Variants in ABCC12 observed in about 807,000 individuals in gnomAD.
ABCC12 encodes ATP binding cassette subfamily C member 12, also known as ATP-binding cassette sub-family C member 12.
Under a neutral mutation model 151.1 loss-of-function variants are expected in ABCC12, and 142 were observed. The ratio of observed to expected loss-of-function variants is 0.94; its 90% CI spans 0.82 to 1.08. The LOEUF (loss-of-function observed/expected upper bound fraction) is 1.08. Among genes scored for constraint, ABCC12 ranks in the 50% least tolerant of loss-of-function variants. The probability of loss-of-function intolerance (pLI) is 0.00; values close to 1 mark genes in which losing one functional copy is unlikely to be tolerated. For missense variants in ABCC12, 1,638 were observed against 1,691.1 expected, an observed-to-expected ratio of 0.97 and a Z score of 0.55; for synonymous variants, 645 against 646.4, an observed-to-expected ratio of 1.00 and a Z score of 0.03.
In ABCC12 at chr16:48,133,184, C is replaced by A. The variant is rs374084746; in HGVS notation, c.1128+503G>T. Reference sequence around the variant, plus strand: ...CCATGGACGTGATTAAGAACCGCTGCCAGGCTCTCCCGGGCCCCTTGTCAG... The same window carrying A: ...CCATGGACGTGATTAAGAACCGCTGACAGGCTCTCCCGGGCCCCTTGTCAG... On this transcript the variant is annotated intron_variant, in intron 9 of 30. Coordinates refer to ENST00000311303, the MANE Select transcript of ABCC12 (RefSeq NM_001393797.1). Among the ~76,000 whole-genome samples the A allele has an allele frequency of 5.3e-5, 8 of 152,270 alleles. No homozygotes were observed. In the East Asian group the frequency reaches 1.5e-3, roughly 29 times the overall value.
Position 48,140,751 on chromosome 16 carries a change from A to G in ABCC12, c.593T>C (p.Leu198Pro). 1.9e-6 allele frequency: 3 copies of G among 1,614,190 alleles called. No individual in the cohort carries two copies. Among genetic ancestry groups the G allele is most frequent in the Non-Finnish European group, 2.5e-6 (3 of 1,180,032 alleles). ...YRTAIRLKVALSTLVFENLVS... is the reference protein window; with the variant it reads ...YRTAIRLKVAPSTLVFENLVS... ...TAGGTTTTCAAAAACCAAGGTGGAG[A>G]GCGCCACCTTCAACCGGATGGCCGT... is the stretch of plus-strand genomic sequence containing the variant. Residue 198 changes from leucine (L) to proline (P), a missense_variant, in exon 6 of 31, where the codon CTC (leucine) becomes CCC (proline). By Grantham distance (98) the Leu-to-Pro change is moderately conservative (BLOSUM62 -3). Transcript: ENST00000311303.
At chr16:48,128,816 C>A in intron 10 of ABCC12, 79 bp from the exon 11 acceptor site, 1 of 1,502,582 alleles carries the variant, frequency 6.7e-7, no homozygotes, top group South Asian at 1.3e-5. Flanking sequence ...TCTAATGACC[C>A]CAAATCACAA....
chr16:48,144,013 A>T lies in ABCC12; in HGVS notation c.172T>A (p.Ser58Thr). 1.2e-6 allele frequency: 2 copies of T among 1,614,152 alleles called. No homozygotes were observed. Among genetic ancestry groups the T allele is most frequent in the Non-Finnish European group, 1.7e-6 (2 of 1,179,996 alleles). ...TTCACCATCACCGGCGTGAGCCAGGAAAATGTGGCGAAGGAGAGTAGCCCG... is the reference window on the plus strand; with the variant it reads ...TTCACCATCACCGGCGTGAGCCAGGTAAATGTGGCGAAGGAGAGTAGCCCG... ...DAGLLSFATF[S>T]WLTPVMVKGY... Residue 58 changes from serine to threonine, a missense_variant, in exon 4 of 31, where the codon TCC (serine) becomes ACC (threonine). Ser to Thr is a moderately conservative substitution (Grantham distance 58). Coordinates refer to ENST00000311303, the MANE Select transcript of ABCC12 (RefSeq NM_001393797.1).
intron 22 of ABCC12, among the ~76,000 whole-genome samples, chr16:48,102,589 T>TCCAGCTCTC (rs1276275683): frequency 6.6e-6 from 1 of 151,680 alleles, no homozygotes; most frequent in Non-Finnish European, 1.5e-5. Context: ...GCAGCAAGAG[T>TCCAGCTCTC]CCAGCTCTCC....
intron 12 of ABCC12, 52 bp downstream of exon 12, chr16:48,124,161 T>C: frequency 1.3e-6 from 2 of 1,582,928 alleles, no homozygotes; most frequent in Non-Finnish European, 8.7e-7. Context: ...AAGGGAGCCA[T>C]TTCATTGTCA....
At position 48,121,798 on chromosome 16, in the gene ABCC12, C is replaced by T. The variant is rs765808198; in HGVS notation, c.1630G>A (p.Ala544Thr). The change falls in exon 13 of 31, where the codon GCC becomes ACC. Residue 544 changes from alanine (A) to threonine (T), a missense_variant. By Grantham distance (58) the Ala-to-Thr change is moderately conservative. Transcript: ENST00000311303. ...ATCCATGCCTGCTGTGAAACGTAGG[C>T]CAAAGTTCCATTGACTGCCACCACC... ...KGVVAVNGTL[A>T]YVSQQAWIFH... 8.2e-5 allele frequency: 132 copies of T among 1,614,082 alleles called. 1 individual carries two copies. In the Admixed American group the frequency reaches 2.2e-3, roughly 26 times the overall value.
chr16:48,083,360 T>A lies in ABCC12; in HGVS notation c.*355A>T, dbSNP rs1232299197. The A allele has an allele frequency of 4.6e-6, 1 of 219,568 alleles. No homozygotes were observed. Among genetic ancestry groups the A allele is most frequent in the African/African-American group, 2.3e-5 (1 of 43,222 alleles). The allele number at this position is 219,568 out of a possible 1,614,324, so 13.6% of individuals were successfully genotyped here. A position where few individuals can be genotyped will look rare whatever the true frequency, so the allele number is the denominator to read the frequency against. ...TCCATCCTAAGGCATTTTCCCATGT[T>A]GTTTATTGTGGCTGATTTCTAACTG... On this transcript the variant is annotated 3_prime_UTR_variant, in exon 31 of 31. Transcript: ENST00000311303.
Position 48,096,896 on chromosome 16 carries a change from G to A in ABCC12, c.3045C>T (p.Leu1015=), listed in dbSNP as rs1363425486. The A allele has an allele frequency of 6.2e-7, 1 of 1,614,002 alleles. No homozygotes were observed. The highest frequency in any genetic ancestry group is 8.5e-7 in the Non-Finnish European group (1 of 1,180,034). ...ACCTGAGAGCACAGTTAAAGTAGAG[G>A]AGGTGACTGGAGTTTTCGTCGTTTA... ...GKKESCITYH[L]LYFNCALRWF... The change falls in exon 24 of 31, where the codon CTC becomes CTT. Residue 1015 remains leucine (L), a synonymous_variant. Coordinates refer to ENST00000311303, the MANE Select transcript of ABCC12 (RefSeq NM_001393797.1).
At chr16:48,146,527 A>G in intron 2 of ABCC12, 53 bp from the exon 3 acceptor site, 3 of 919,550 alleles carry the variant, frequency 3.3e-6, no homozygotes, top group South Asian at 2.9e-5. Flanking sequence ...TCTGATTGGG[A>G]TCAGGCAGCC....
At chr16:48,105,388 G>A in intron 20 of ABCC12, 52 bp from the exon 21 acceptor site, 1 of 1,519,030 alleles carries the variant, frequency 6.6e-7, no homozygotes, top group Non-Finnish European at 8.9e-7. Flanking sequence ...CCTGCCAGGA[G>A]AACAGGAATT....
intron 22 of ABCC12, 99 bp downstream of exon 22, chr16:48,104,043 C>T (rs534694814): frequency 6.2e-5 from 79 of 1,264,852 alleles, no homozygotes; most frequent in Non-Finnish European, 8.1e-5. Context: ...AATGGTAGAC[C>T]ATCAGTAAAG....
At chr16:48,088,454 C>T in intron 26 of ABCC12, 91 bp downstream of exon 26, 1 of 1,410,070 alleles carries the variant, frequency 7.1e-7, no homozygotes, top group Middle Eastern at 2.4e-4. Context: ...GACACACATA[C>T]ACATCACTCT....
In ABCC12 at chr16:48,111,578, C is replaced by T. The variant is rs930851658; in HGVS notation, c.2209G>A (p.Val737Ile). The change falls in exon 17 of 31, where the codon GTT (valine) becomes ATT (isoleucine). Residue 737 changes from valine (V) to isoleucine (I), a missense_variant and splice_region_variant. By Grantham distance (29) the Val-to-Ile change is conservative. Transcript: ENST00000311303. ...ACAATAACAGGGATGGGATTCTAAC[C>T]GATTATACCAGCATCTTCCTCTCTC... ...AEREEDAGII[V>I]LAPGNEKDEG... 1.8e-5 allele frequency: 29 copies of T among 1,614,018 alleles called. No homozygotes were observed. The highest frequency in any genetic ancestry group is 5.0e-5 in the Admixed American group (3 of 60,000).
chr16:48,095,280 CTT>C (rs1344105544), intron 24 of ABCC12, among the ~76,000 whole-genome samples: 1 of 152,138 alleles, frequency 6.6e-6, no homozygotes, highest in African/African-American at 2.4e-5. Context: ...CTCATTCTCT[CTT>C]GTCTGCCACC....
At chr16:48,142,039 G>A (rs554908306) in intron 4 of ABCC12, among the ~76,000 whole-genome samples, 17 of 152,278 alleles carry the variant, frequency 1.1e-4, no homozygotes, top group African/African-American at 2.6e-4. Context: ...GACAGAGAGC[G>A]ACAACAGGGC....
chr16:48,112,048 T>C (rs1369733419), intron 15 of ABCC12, 138 bp from the exon 16 acceptor site: 1 of 1,117,566 alleles, frequency 8.9e-7, no homozygotes, highest in Non-Finnish European at 1.2e-6. Context: ...CTGTGCATTG[T>C]AGGATATTTA....
In ABCC12 at chr16:48,104,295, A is replaced by C. The variant is rs1597307683; in HGVS notation, c.2747T>G (p.Met916Arg). The C allele has an allele frequency of 6.2e-7, 1 of 1,614,264 alleles. No individual in the cohort carries two copies. The highest frequency in any genetic ancestry group is 8.5e-7 in the Non-Finnish European group (1 of 1,180,034). The change falls in exon 22 of 31, where the codon ATG becomes AGG. Residue 916 changes from methionine to arginine, a missense_variant. Met to Arg is a moderately conservative substitution (Grantham distance 91). Coordinates refer to ENST00000311303, the MANE Select transcript of ABCC12 (RefSeq NM_001393797.1). ...GRLMNRFSKD[M>R]DELDVRLPFH... The stretch of plus-strand genomic sequence containing the variant: ...CGGCAGCCTCACATCCAGCTCGTCC[A>C]TATCCTTGGAAAAACGGTTCATTAG...
chr16:48,130,904 CA>C lies in ABCC12; in HGVS notation c.1129-10del, dbSNP rs777824710. 1.8e-5 allele frequency: 29 copies of C among 1,592,936 alleles called. No homozygotes were observed. The East Asian group carries it at 5.6e-4, about 31-fold the overall frequency. On this transcript the variant is annotated splice_polypyrimidine_tract_variant and intron_variant, in intron 9 of 30. Transcript: ENST00000311303. ...GCAATCACACTAAATGCCTGAAGAACAAAAGAGAAGTATGAGGGTTTAGAAG... is the reference window on the plus strand; with the variant it reads ...GCAATCACACTAAATGCCTGAAGAACAAAGAGAAGTATGAGGGTTTAGAAG...
intron 24 of ABCC12, among the ~76,000 whole-genome samples, chr16:48,093,360 C>T (rs1005647138): frequency 1.2e-4 from 18 of 152,126 alleles, no homozygotes; most frequent in African/African-American, 4.1e-4. Flanking sequence ...TCATGCCTAC[C>T]GCTGAGCCTT....
Sources: allele counts gnomAD v4.1 joint callset (sites outside exome capture counted in the v4.1 genomes callset), GRCh38; gene constraint gnomAD v4.1.1; transcripts MANE v1.5; gene names NCBI Gene and HGNC (gene_info 2026-07-23, HGNC 2026-07-21).